RNFT2: variants seen among roughly 807,000 people sequenced by gnomAD.
RNFT2 encodes the protein E3 ubiquitin-protein ligase RNFT2.
Under a neutral mutation model 53.0 loss-of-function variants are expected in RNFT2, and 36 were observed. That is an observed-to-expected ratio of 0.68 (90% CI 0.52 to 0.90). The LOEUF (loss-of-function observed/expected upper bound fraction) is 0.90. RNFT2 is among the 40% of genes least tolerant of loss of function. The pLI, the probability that RNFT2 is intolerant of heterozygous loss-of-function variation, is 0.00. For synonymous variants in RNFT2, 260 were observed against 253.2 expected (o/e 1.03, Z -0.26); for missense variants, 514 against 585.6 (o/e 0.88, Z 1.26).
intron 3 of RNFT2, among the ~76,000 whole-genome samples, chr12:116,741,325 G>A (rs1871599409): frequency 6.6e-6 from 1 of 152,212 alleles, no homozygotes; most frequent in South Asian, 2.1e-4. Context: ...GAATGTACCT[G>A]TGGAATTTTG....
chr12:116,739,227 C>T (rs771865218), intron 1 of RNFT2, among the ~76,000 whole-genome samples: 2 of 152,176 alleles, frequency 1.3e-5, no homozygotes, highest in African/African-American at 4.8e-5. Flanking sequence ...GAGGCTAAAC[C>T]TTTTCATGGG....
chr12:116,786,005 C>T (rs1445709112), intron 7 of RNFT2, among the ~76,000 whole-genome samples: 1 of 152,012 alleles, frequency 6.6e-6, no homozygotes, highest in South Asian at 2.1e-4. Context: ...TGAGCTGAGA[C>T]CGCGCCACTG....
At chr12:116,750,902 A>ATTT (rs1239641237) in intron 4 of RNFT2, among the ~76,000 whole-genome samples, 3 of 16,084 alleles carry the variant, frequency 1.9e-4, no homozygotes, top group Non-Finnish European at 3.4e-4. Flanking sequence ...ATATATATAT[A>ATTT]TATATATTTT....
chr12:116,741,003 G>A lies in RNFT2; in HGVS notation c.25-33G>A, dbSNP rs750210083. On this transcript the variant is annotated intron_variant, in intron 2 of 10. Transcript: ENST00000257575. Reference sequence around the variant, plus strand: ...ATCTGACAGGCAGTGGGAGTGTTGGGAGACTCTGGCTCACCCATGTGTTGG... The same window carrying A: ...ATCTGACAGGCAGTGGGAGTGTTGGAAGACTCTGGCTCACCCATGTGTTGG... The A allele has an allele frequency of 1.4e-5, 23 of 1,593,868 alleles. No individual in the cohort carries two copies. The South Asian group carries it at 1.9e-4, about 13-fold the overall frequency.
intron 10 of RNFT2, among the ~76,000 whole-genome samples, chr12:116,843,949 G>T (rs1877482129): frequency 6.6e-6 from 1 of 152,230 alleles, no homozygotes; most frequent in African/African-American, 2.4e-5. Flanking sequence ...CAACATGGCT[G>T]CCCTCATGGC....
intron 7 of RNFT2, among the ~76,000 whole-genome samples, chr12:116,806,859 G>A (rs989688824): frequency 6.6e-6 from 1 of 151,804 alleles, no homozygotes; most frequent in African/African-American, 2.4e-5. Context: ...CTTACATTCA[G>A]TGAACCCCTC....
intron 5 of RNFT2, among the ~76,000 whole-genome samples, chr12:116,759,791 G>T (rs1167199549): frequency 6.6e-6 from 1 of 152,112 alleles, no homozygotes; most frequent in Non-Finnish European, 1.5e-5. Flanking sequence ...ACTCCGTGAG[G>T]GTTCTTAGCT....
chr12:116,838,412 T>C (rs10047539), intron 10 of RNFT2, among the ~76,000 whole-genome samples: 144,591 of 152,290 alleles, frequency 0.95, 68,716 homozygotes, highest in African/African-American at 0.99. Context: ...AGGATAAATT[T>C]CTAGTGGAAG....
At chr12:116,753,148 C>CTTTTTTTTTT (rs11377177) in intron 4 of RNFT2, among the ~76,000 whole-genome samples, 12 of 93,698 alleles carry the variant, frequency 1.3e-4, no homozygotes, top group South Asian at 3.9e-4. Flanking sequence ...TTTTCTTTTT[C>CTTTTTTTTTT]TTTTTTTTTT....
chr12:116,778,289 T>G (rs1368816174), intron 6 of RNFT2, among the ~76,000 whole-genome samples: 1 of 152,144 alleles, frequency 6.6e-6, no homozygotes, highest in Non-Finnish European at 1.5e-5. Flanking sequence ...AGAAGGTGTT[T>G]GGGTCATGGG....
intron 5 of RNFT2, among the ~76,000 whole-genome samples, chr12:116,761,356 C>T (rs997265367): frequency 6.6e-6 from 1 of 152,144 alleles, no homozygotes; most frequent in African/African-American, 2.4e-5. Flanking sequence ...CCATGTTGGC[C>T]AGGCTGGTCT....
chr12:116,844,528 C>A (rs1877509595), intron 10 of RNFT2, among the ~76,000 whole-genome samples: 1 of 152,174 alleles, frequency 6.6e-6, no homozygotes, highest in Non-Finnish European at 1.5e-5. Flanking sequence ...AGCTACCGTG[C>A]CTGGCCATTA....
intron 7 of RNFT2, among the ~76,000 whole-genome samples, chr12:116,814,156 T>C (rs1246091238): frequency 6.6e-6 from 1 of 152,188 alleles, no homozygotes; most frequent in African/African-American, 2.4e-5. Flanking sequence ...ATGCACGTAC[T>C]ACCTGCCAGC....
At chr12:116,768,713 A>ATT (rs111961943) in intron 6 of RNFT2, among the ~76,000 whole-genome samples, 1 of 145,704 alleles carries the variant, frequency 6.9e-6, no homozygotes, top group African/African-American at 2.5e-5. Flanking sequence ...TTTCATTGTC[A>ATT]TTTTTTTTTT....
At chr12:116,772,513 G>GC (rs1873248030) in intron 6 of RNFT2, among the ~76,000 whole-genome samples, 1 of 151,666 alleles carries the variant, frequency 6.6e-6, no homozygotes, top group South Asian at 2.1e-4. Flanking sequence ...CACCATATTG[G>GC]CCAGAATGGT....
intron 7 of RNFT2, among the ~76,000 whole-genome samples, chr12:116,792,209 C>T (rs1422357728): frequency 6.6e-6 from 1 of 151,660 alleles, no homozygotes; most frequent in East Asian, 1.9e-4. Flanking sequence ...ACCACCACGC[C>T]CAGCTAATTT....
At chr12:116,818,305 A>C (rs1184921922) in intron 7 of RNFT2, among the ~76,000 whole-genome samples, 1 of 139,350 alleles carries the variant, frequency 7.2e-6, no homozygotes, top group Non-Finnish European at 1.5e-5. Flanking sequence ...CCTGGGTGAC[A>C]GTGAGGCCCT....
chr12:116,753,072 AT>A (rs200341108), intron 4 of RNFT2, among the ~76,000 whole-genome samples: 1 of 144,042 alleles, frequency 6.9e-6, no homozygotes, highest in Non-Finnish European at 1.5e-5. Context: ...GTTAGCTGGG[AT>A]TTTTTTTTCT....
rs71099005 is a variant in RNFT2 at position 116,849,845 on chromosome 12, C to CTTCCTT, written c.*399_*400insCCTTTT. 1.3e-5 allele frequency: 1 copy of CTTCCTT among 77,168 alleles called. No individual in the cohort carries two copies. Among genetic ancestry groups the CTTCCTT allele is most frequent in the Non-Finnish European group, 2.1e-5 (1 of 47,546 alleles). The allele number at this position is 77,168 out of a possible 1,614,324, so 4.8% of individuals were successfully genotyped here. On this transcript the variant is annotated 3_prime_UTR_variant, in exon 11 of 11. Transcript: ENST00000257575. ...CCCTCCCTCCTTCCTTCCTTCCTTC[C>CTTCCTT]TTTTTTTTTTTTTTTTAAAACAAGG...
Sources: allele counts gnomAD v4.1 joint callset (sites outside exome capture counted in the v4.1 genomes callset), GRCh38; gene constraint gnomAD v4.1.1; transcripts MANE v1.5; gene names NCBI Gene and HGNC (gene_info 2026-07-23, HGNC 2026-07-21).